The following AGBL4 variants were observed in gnomAD, a reference collection of about 807,000 sequenced individuals.
AGBL4 encodes the protein cytosolic carboxypeptidase 6.
Under a neutral mutation model 66.4 loss-of-function variants are expected in AGBL4, and 58 were observed. That is an observed-to-expected ratio of 0.87 (90% CI 0.71 to 1.09). AGBL4 has a LOEUF of 1.09. AGBL4 is among the 50% of genes least tolerant of loss of function. The pLI, the probability that AGBL4 is intolerant of heterozygous loss-of-function variation, is 0.00. For synonymous variants in AGBL4, 234 were observed against 222.9 expected (o/e 1.05, Z -0.44); for missense variants, 579 against 631.0 (o/e 0.92, Z 0.88).
At chr1:48,884,469 G>A (rs1650104926) in intron 5 of AGBL4, among the ~76,000 whole-genome samples, 1 of 151,592 alleles carries the variant, frequency 6.6e-6, no homozygotes. Context: ...AAAATGTTAT[G>A]AATTATTTGC....
At chr1:49,573,065 G>C (rs1423369859) in intron 3 of AGBL4, among the ~76,000 whole-genome samples, 1 of 151,620 alleles carries the variant, frequency 6.6e-6, no homozygotes. Context: ...CTACACACAA[G>C]TTATTATGGG....
Position 49,874,552 on chromosome 1 carries a change from A to C in AGBL4, c.35-23034T>G, listed in dbSNP as rs549854145. ...ATTAAGTCTACTTATTATATGTAAA[A>C]TTAAAAGTATAAATATTGAAAAAAG... On this transcript the variant is annotated intron_variant, in intron 1 of 13. Transcript: ENST00000371839. 2.0e-3 allele frequency among the ~76,000 whole-genome samples: 302 copies of C among 152,246 alleles called. 4 individuals carry two copies. Among genetic ancestry groups the C allele is most frequent in the African/African-American group, 6.8e-3 (283 of 41,558 alleles).
At chr1:49,228,128 A>G (rs1418863241) in intron 4 of AGBL4, among the ~76,000 whole-genome samples, 1 of 152,258 alleles carries the variant, frequency 6.6e-6, no homozygotes, top group African/African-American at 2.4e-5. Flanking sequence ...GAAATATGTT[A>G]TTAATCTTTA....
chr1:48,879,988 A>G (rs1467365136), intron 5 of AGBL4, among the ~76,000 whole-genome samples: 1 of 152,172 alleles, frequency 6.6e-6, no homozygotes, highest in Non-Finnish European at 1.5e-5. Flanking sequence ...TTCATAGGTT[A>G]TTGGGGGAAC....
chr1:50,017,866 T>C (rs1486916766), intron 1 of AGBL4, among the ~76,000 whole-genome samples: 1 of 152,158 alleles, frequency 6.6e-6, no homozygotes, highest in Non-Finnish European at 1.5e-5. Flanking sequence ...AACCTGTGTA[T>C]GTACCCCATG....
intron 4 of AGBL4, chr1:49,175,212 T>A (rs1646809625): frequency 6.6e-6 from 1 of 151,806 alleles, no homozygotes; most frequent in Non-Finnish European, 1.5e-5. Flanking sequence ...TAAAAATAAA[T>A]CATGAACTGT....
intron 2 of AGBL4, among the ~76,000 whole-genome samples, chr1:49,752,753 C>T (rs528700298): frequency 3.7e-4 from 56 of 152,074 alleles, no homozygotes; most frequent in Non-Finnish European, 6.6e-4. Flanking sequence ...GGGTCCTCCT[C>T]TATTCTGTGC....
intron 3 of AGBL4, among the ~76,000 whole-genome samples, chr1:49,613,517 G>T (rs886309794): frequency 2.0e-5 from 3 of 152,158 alleles, no homozygotes; most frequent in African/African-American, 7.2e-5. Flanking sequence ...TCACATTACT[G>T]CCTGAGCTTT....
intron 3 of AGBL4, among the ~76,000 whole-genome samples, chr1:49,525,411 T>A (rs559385183): frequency 6.6e-6 from 1 of 151,590 alleles, no homozygotes; most frequent in South Asian, 2.1e-4. Flanking sequence ...GTAGGGGGAG[T>A]GCCTTTCTAG....
intron 6 of AGBL4, among the ~76,000 whole-genome samples, chr1:48,680,507 T>C (rs886792045): frequency 6.6e-6 from 1 of 152,134 alleles, no homozygotes; most frequent in East Asian, 1.9e-4. Flanking sequence ...ACAAAACAGC[T>C]CTCAACACAA....
chr1:49,034,185 C>T (rs1375580576), intron 5 of AGBL4, among the ~76,000 whole-genome samples: 2 of 152,076 alleles, frequency 1.3e-5, no homozygotes, highest in Non-Finnish European at 2.9e-5. Flanking sequence ...AAATGTTGTA[C>T]GTGATCCTTA....
At chr1:49,422,631 C>T (rs1645569570) in intron 3 of AGBL4, among the ~76,000 whole-genome samples, 1 of 152,178 alleles carries the variant, frequency 6.6e-6, no homozygotes. Context: ...TAAGCATACA[C>T]CTTGCTATTT....
intron 6 of AGBL4, among the ~76,000 whole-genome samples, chr1:48,746,853 G>A (rs375695261): frequency 6.6e-6 from 1 of 152,144 alleles, no homozygotes; most frequent in Non-Finnish European, 1.5e-5. Flanking sequence ...CTGGCAAAAC[G>A]GCAGATGAAT....
At chr1:49,573,146 C>CTGTGTGTGTGTGTG (rs57980631) in intron 3 of AGBL4, among the ~76,000 whole-genome samples, 1 of 136,564 alleles carries the variant, frequency 7.3e-6, no homozygotes, top group Admixed American at 7.4e-5. Context: ...GTGTGTGTGT[C>CTGTGTGTGTGTGTG]TGTGTGTGTG....
chr1:48,780,492 C>G (rs1275631745), intron 6 of AGBL4, among the ~76,000 whole-genome samples: 2 of 151,990 alleles, frequency 1.3e-5, no homozygotes, highest in Non-Finnish European at 2.9e-5. Flanking sequence ...GCAAAAAGAA[C>G]AAAACTGAGG....
At chr1:48,802,785 A>G (rs913606188) in intron 6 of AGBL4, among the ~76,000 whole-genome samples, 6 of 152,178 alleles carry the variant, frequency 3.9e-5, no homozygotes, top group African/African-American at 1.4e-4. Flanking sequence ...CACATGGCCT[A>G]TGGACTCATG....
At chr1:49,365,460 C>T (rs1291266179) in intron 3 of AGBL4, among the ~76,000 whole-genome samples, 2 of 151,550 alleles carry the variant, frequency 1.3e-5, no homozygotes, top group Non-Finnish European at 2.9e-5. Context: ...GATAGGATAG[C>T]TGTTCAAACA....
chr1:49,283,377 C>A (rs1253973646), intron 3 of AGBL4, among the ~76,000 whole-genome samples: 1 of 152,180 alleles, frequency 6.6e-6, no homozygotes, highest in Non-Finnish European at 1.5e-5. Flanking sequence ...CTGTACATCA[C>A]CATCATCAAA....
intron 10 of AGBL4, among the ~76,000 whole-genome samples, chr1:48,588,851 A>AGAAGAGAAGAGAAGG (rs768116947): frequency 0.042 from 5,753 of 137,878 alleles, 170 homozygotes; most frequent in Middle Eastern, 0.076. Flanking sequence ...AGAAGAGAAG[A>AGAAGAGAAGAGAAGG]GAAGAGAAGG....
Sources: allele counts gnomAD v4.1 joint callset (sites outside exome capture counted in the v4.1 genomes callset), GRCh38; gene constraint gnomAD v4.1.1; transcripts MANE v1.5; gene names NCBI Gene and HGNC (gene_info 2026-07-23, HGNC 2026-07-21).